The following TOGARAM2 variants were observed in gnomAD, a reference collection of about 807,000 sequenced individuals.
TOGARAM2 encodes the protein TOG array regulator of axonemal microtubules protein 2.
A neutral mutation model predicts 93.3 loss-of-function variants in TOGARAM2; 85 were observed. The observed-to-expected ratio is 0.91, with a 90% CI of 0.76 to 1.09. The LOEUF (loss-of-function observed/expected upper bound fraction) is 1.09, where lower values mean the gene tolerates loss of function less well. TOGARAM2 is among the 50% of genes least tolerant of loss of function. The pLI is 0.00. For synonymous variants in TOGARAM2, 593 were observed against 552.8 expected, an observed-to-expected ratio of 1.07 and a Z score of -1.02; for missense variants, 1,277 against 1,334.5, an observed-to-expected ratio of 0.96 and a Z score of 0.67.
intron 14 of TOGARAM2, among the ~76,000 whole-genome samples, chr2:29,029,080 C>T (rs1454111558): frequency 1.3e-5 from 2 of 152,146 alleles, no homozygotes; most frequent in East Asian, 3.8e-4. Context: ...GTAGAACTAC[C>T]ATTCGATCCT....
At chr2:29,006,090 T>TGC (rs143994529) in intron 6 of TOGARAM2, among the ~76,000 whole-genome samples, 10,857 of 80,470 alleles carry the variant, frequency 0.13, 485 homozygotes, top group African/African-American at 0.15. Context: ...CGTGTGTGTG[T>TGC]GTGGGGTGCA....
chr2:29,039,303 G>A (rs1394652345), intron 18 of TOGARAM2, among the ~76,000 whole-genome samples: 1 of 152,196 alleles, frequency 6.6e-6, no homozygotes, highest in African/African-American at 2.4e-5. Flanking sequence ...CCAGGCTGGA[G>A]ACGACTGTTG....
At position 29,017,149 on chromosome 2, in the gene TOGARAM2, G is replaced by A. The variant is rs1478549573; in HGVS notation, c.1045-5G>A. The A allele has an allele frequency of 6.2e-7, 1 of 1,612,076 alleles. No homozygotes were observed. Among genetic ancestry groups the A allele is most frequent in the East Asian group, 2.2e-5 (1 of 44,856 alleles). ...TTAATAGAGTTTGCCTTGACCTTGT[G>A]CCAGATCCAAGTCACCATCTCCAAG... On this transcript the variant is annotated splice_region_variant and splice_polypyrimidine_tract_variant and intron_variant, in intron 8 of 19. Transcript: ENST00000379558.
chr2:29,025,125 C>G (rs1487601714), intron 13 of TOGARAM2, among the ~76,000 whole-genome samples: 1 of 152,130 alleles, frequency 6.6e-6, no homozygotes, highest in African/African-American at 2.4e-5. Flanking sequence ...GCTGGGAGAC[C>G]TTTAGTAATT....
At chr2:29,051,556 G>A (rs927213257) in intron 19 of TOGARAM2, 200 bp from the exon 20 acceptor site, 1 of 492,594 alleles carries the variant, frequency 2.0e-6, no homozygotes, top group Non-Finnish European at 3.6e-6. Context: ...TATAAACCAG[G>A]TTGGACATAT....
intron 2 of TOGARAM2, among the ~76,000 whole-genome samples, chr2:28,996,908 TC>T (rs1164264929): frequency 6.6e-6 from 1 of 151,886 alleles, no homozygotes; most frequent in Non-Finnish European, 1.5e-5. Context: ...CCTAATAGTA[TC>T]CCATTGTGTA....
chr2:28,995,279 G>C (rs1024067077), intron 2 of TOGARAM2, among the ~76,000 whole-genome samples: 9 of 152,374 alleles, frequency 5.9e-5, no homozygotes, highest in African/African-American at 2.2e-4. Flanking sequence ...GTTAGCATCA[G>C]GAGATGGGCC....
chr2:29,022,102 C>G, intron 10 of TOGARAM2, 56 bp from the exon 11 acceptor site: 1 of 1,608,538 alleles, frequency 6.2e-7, no homozygotes, highest in Middle Eastern at 1.8e-4. Flanking sequence ...AGCGGCCACT[C>G]GGGCTCTTGC....
chr2:28,968,006 A>G (rs565312090), intron 1 of TOGARAM2, among the ~76,000 whole-genome samples: 3 of 151,782 alleles, frequency 2.0e-5, no homozygotes, highest in Non-Finnish European at 4.4e-5. Flanking sequence ...TTTAGTAGAG[A>G]CAGGGTTTTG....
intron 1 of TOGARAM2, among the ~76,000 whole-genome samples, chr2:28,961,002 A>G (rs1671798651): frequency 6.6e-6 from 1 of 152,210 alleles, no homozygotes; most frequent in African/African-American, 2.4e-5. Context: ...GATAATGACA[A>G]AGTCTTTCTT....
intron 10 of TOGARAM2, among the ~76,000 whole-genome samples, chr2:29,020,760 G>A (rs934694927): frequency 4.6e-5 from 7 of 152,210 alleles, no homozygotes; most frequent in Admixed American, 3.9e-4. Context: ...ATTCACGTCC[G>A]TGCTGCCCAG....
At chr2:29,037,175 G>C (rs1666165941) in intron 18 of TOGARAM2, among the ~76,000 whole-genome samples, 1 of 152,166 alleles carries the variant, frequency 6.6e-6, no homozygotes, top group Non-Finnish European at 1.5e-5. Context: ...AACGGTGGGA[G>C]CTATGGAAGA....
Position 29,051,919 on chromosome 2 carries a change from G to T in TOGARAM2, c.2886G>T (p.Glu962Asp). The T allele has an allele frequency of 6.3e-7, 1 of 1,595,694 alleles. No homozygotes were observed. Among genetic ancestry groups the T allele is most frequent in the Non-Finnish European group, 8.5e-7 (1 of 1,171,682 alleles). The change falls in exon 20 of 20, where the codon GAG becomes GAT. Residue 962 changes from glutamate to aspartate, a missense_variant. Transcript: ENST00000379558. ...VVCRLSRSLQEHMGSRLLDFA... is the reference protein window; with the variant it reads ...VVCRLSRSLQDHMGSRLLDFA... The stretch of plus-strand genomic sequence containing the variant: ...GCCGGCTGTCCAGGAGCCTCCAGGA[G>T]CACATGGGCTCCCGCCTGCTGGACT...
chr2:29,044,841 A>T (rs1284865012), intron 18 of TOGARAM2, among the ~76,000 whole-genome samples: 2 of 151,870 alleles, frequency 1.3e-5, no homozygotes, highest in East Asian at 3.9e-4. Context: ...TTTAATCCTA[A>T]CCCTTCACTG....
intron 6 of TOGARAM2, among the ~76,000 whole-genome samples, chr2:29,007,108 G>C (rs769572903): frequency 7.9e-5 from 12 of 152,086 alleles, no homozygotes; most frequent in Admixed American, 2.0e-4. Context: ...CCCATCTCCT[G>C]TTTTCTCCTG....
chr2:29,006,422 C>G (rs935260305), intron 6 of TOGARAM2, among the ~76,000 whole-genome samples: 3 of 49,866 alleles, frequency 6.0e-5, no homozygotes, highest in Admixed American at 2.2e-4. Flanking sequence ...TCATGTGTAT[C>G]TGTGTGTGTG....
chr2:29,032,005 G>C (rs1282020856), intron 14 of TOGARAM2, among the ~76,000 whole-genome samples: 1 of 152,114 alleles, frequency 6.6e-6, no homozygotes, highest in Non-Finnish European at 1.5e-5. Context: ...TATCCTCACT[G>C]TACTGCCTGA....
At chr2:28,977,572 C>G (rs6742711), upstream of TOGARAM2, among the ~76,000 whole-genome samples, 60,569 of 152,062 alleles carry the variant, frequency 0.4, 13,894 homozygotes, top group East Asian at 0.8. Flanking sequence ...GGGGCGGGGG[C>G]TTCTTATGCC....
intron 1 of TOGARAM2, among the ~76,000 whole-genome samples, chr2:28,973,761 C>G (rs1161775973): frequency 6.6e-6 from 1 of 152,096 alleles, no homozygotes; most frequent in Non-Finnish European, 1.5e-5. Context: ...CTCCTGGCCT[C>G]AAGGTATCAT....
Sources: gnomAD v4.1 joint callset for allele counts (sites outside exome capture counted in the v4.1 genomes callset) on GRCh38, gnomAD v4.1.1 for gene constraint, MANE v1.5 for transcripts, NCBI Gene and HGNC (gene_info 2026-07-23, HGNC 2026-07-21) for gene names.